IMMT: variants seen among roughly 807,000 people sequenced by gnomAD.
IMMT encodes inner membrane mitochondrial protein, also known as MICOS complex subunit MIC60.
In IMMT, 40 loss-of-function variants were observed where a neutral mutation model predicts 92.7. The observed-to-expected ratio is 0.43, with a 90% confidence interval of 0.34 to 0.56. The LOEUF (loss-of-function observed/expected upper bound fraction) is 0.56, where lower values mean the gene tolerates loss of function less well. IMMT is among the 20% of genes least tolerant of loss of function. The probability of loss-of-function intolerance (pLI) is 0.03; values close to 1 mark genes in which losing one functional copy is unlikely to be tolerated. For missense variants in IMMT, 831 were observed against 912.1 expected, an observed-to-expected ratio of 0.91 and a Z score of 1.14; for synonymous variants, 322 against 336.1, an observed-to-expected ratio of 0.96 and a Z score of 0.46.
intron 1 of IMMT, chr2:86,195,015 C>A (rs1673434404): frequency 9.0e-6 from 3 of 332,814 alleles, no homozygotes; most frequent in Non-Finnish European, 1.7e-5. Context: ...AAACCTATCG[C>A]GCGCCCAACC....
intron 4 of IMMT, 120 bp downstream of exon 4, chr2:86,173,530 A>C: frequency 1.5e-6 from 1 of 645,390 alleles, no homozygotes; most frequent in Non-Finnish European, 2.8e-6. Flanking sequence ...CGGTGAGCCG[A>C]GATTGTGCCA....
In IMMT at chr2:86,144,199, G is replaced by A. The variant is rs768947577; in HGVS notation, c.*69C>T. 3.9e-5 allele frequency: 61 copies of A among 1,558,596 alleles called. No homozygotes were observed. The highest frequency in any genetic ancestry group is 6.8e-5 in the African/African-American group (5 of 73,736). On this transcript the variant is annotated 3_prime_UTR_variant, in exon 15 of 15. Coordinates refer to ENST00000410111, the MANE Select transcript of IMMT (RefSeq NM_006839.3). ...TAGACAAGTCCGGGACTCTCGCTGCGAACCCTTCATCTATCACTGCTGATT... is the reference window on the plus strand; with the variant it reads ...TAGACAAGTCCGGGACTCTCGCTGCAAACCCTTCATCTATCACTGCTGATT...
At chr2:86,177,733 G>A (rs950123629) in intron 3 of IMMT, among the ~76,000 whole-genome samples, 5 of 152,268 alleles carry the variant, frequency 3.3e-5, no homozygotes, top group African/African-American at 1.2e-4. Flanking sequence ...TTTGTGTTAT[G>A]GTCTAAAAGG....
At chr2:86,173,529 G>A (rs1034979819) in intron 4 of IMMT, 121 bp downstream of exon 4, 7 of 640,066 alleles carry the variant, frequency 1.1e-5, no homozygotes, top group East Asian at 3.1e-5. Context: ...GCGGTGAGCC[G>A]AGATTGTGCC....
At chr2:86,156,406 A>G (rs1675858582) in intron 10 of IMMT, among the ~76,000 whole-genome samples, 1 of 152,140 alleles carries the variant, frequency 6.6e-6, no homozygotes, top group African/African-American at 2.4e-5. Context: ...AGCCTGACCA[A>G]CATGGTGAAA....
chr2:86,188,264 C>T (rs1477493580), intron 1 of IMMT, among the ~76,000 whole-genome samples: 5 of 151,990 alleles, frequency 3.3e-5, no homozygotes, highest in South Asian at 2.1e-4. Flanking sequence ...GAGTATCTCA[C>T]GGTTTTAATT....
intron 11 of IMMT, among the ~76,000 whole-genome samples, chr2:86,151,961 G>GT (rs1218256622): frequency 2.0e-5 from 3 of 152,080 alleles, no homozygotes; most frequent in Non-Finnish European, 2.9e-5. Flanking sequence ...TCCTTAATAA[G>GT]TTTTTTTACT....
chr2:86,188,338 T>C (rs1340279542), intron 1 of IMMT, among the ~76,000 whole-genome samples: 2 of 152,194 alleles, frequency 1.3e-5, no homozygotes, highest in Non-Finnish European at 2.9e-5. Flanking sequence ...CATCTGTATA[T>C]CTGCTTTGGA....
At chr2:86,176,167 C>T (rs1484392898) in intron 3 of IMMT, among the ~76,000 whole-genome samples, 1 of 152,164 alleles carries the variant, frequency 6.6e-6, no homozygotes, top group South Asian at 2.1e-4. Flanking sequence ...AGCCCAATGG[C>T]CAGTTCCTAG....
intron 1 of IMMT, among the ~76,000 whole-genome samples, chr2:86,188,946 G>C (rs1469726042): frequency 6.6e-6 from 1 of 152,104 alleles, no homozygotes; most frequent in African/African-American, 2.4e-5. Flanking sequence ...CTTGTTGCTT[G>C]TGCTTTTGGT....
At chr2:86,148,927 T>C (rs1179674870) in intron 12 of IMMT, among the ~76,000 whole-genome samples, 19 of 152,258 alleles carry the variant, frequency 1.2e-4, no homozygotes. Context: ...CTACTATCTG[T>C]ACGGATCCAA....
intron 11 of IMMT, among the ~76,000 whole-genome samples, chr2:86,152,009 C>T (rs1675497791): frequency 1.3e-5 from 2 of 152,206 alleles, no homozygotes; most frequent in South Asian, 4.1e-4. Flanking sequence ...AATCCCAACA[C>T]AGCAACCAGA....
intron 6 of IMMT, 51 bp downstream of exon 6, chr2:86,170,698 A>T: frequency 8.5e-7 from 1 of 1,177,764 alleles, no homozygotes; most frequent in Non-Finnish European, 1.2e-6. Flanking sequence ...TTAAGAAGAG[A>T]GCAACTGGGA....
intron 1 of IMMT, among the ~76,000 whole-genome samples, chr2:86,193,260 A>T (rs1400407012): frequency 6.6e-6 from 1 of 152,012 alleles, no homozygotes; most frequent in Non-Finnish European, 1.5e-5. Context: ...TTAAAAAATT[A>T]GCCAGGGATG....
At chr2:86,152,576 C>G (rs778860394) in intron 11 of IMMT, among the ~76,000 whole-genome samples, 23 of 151,528 alleles carry the variant, frequency 1.5e-4, no homozygotes, top group Non-Finnish European at 2.9e-4. Context: ...GTTTGGCCAT[C>G]ATGGTGAAAC....
chr2:86,164,511 T>C (rs1676526770), intron 7 of IMMT, among the ~76,000 whole-genome samples: 1 of 151,718 alleles, frequency 6.6e-6, no homozygotes, highest in Non-Finnish European at 1.5e-5. Context: ...GCCAACATAG[T>C]GAAACCCTCT....
At chr2:86,195,253 C>A (rs1673457152) in intron 1 of IMMT, 85 bp downstream of exon 1, 2 of 1,388,154 alleles carry the variant, frequency 1.4e-6, no homozygotes, top group Non-Finnish European at 1.9e-6. Context: ...GTCCTGGAGG[C>A]TAGGCAGCGA....
intron 4 of IMMT, 82 bp downstream of exon 4, chr2:86,173,568 G>C (rs923172262): frequency 2.4e-6 from 2 of 822,012 alleles, no homozygotes; most frequent in Non-Finnish European, 3.9e-6. Flanking sequence ...CAACAAGAGC[G>C]AAACTCCATC....
chr2:86,154,698 T>C (rs1454224547), intron 10 of IMMT, among the ~76,000 whole-genome samples: 1 of 152,178 alleles, frequency 6.6e-6, no homozygotes, highest in Admixed American at 6.5e-5. Context: ...TACAATGGCC[T>C]GATTTGAGAG....
Sources: gnomAD v4.1 joint callset for allele counts (sites outside exome capture counted in the v4.1 genomes callset) on GRCh38, gnomAD v4.1.1 for gene constraint, MANE v1.5 for transcripts, NCBI Gene and HGNC (gene_info 2026-07-23, HGNC 2026-07-21) for gene names.